The following PLK4 variants were observed in gnomAD, a reference collection of about 807,000 sequenced individuals.
PLK4 encodes the protein serine/threonine-protein kinase PLK4.
Under a neutral mutation model 103.0 loss-of-function variants are expected in PLK4, and 51 were observed. That is an observed-to-expected ratio of 0.50 (90% CI 0.40 to 0.63). The LOEUF (loss-of-function observed/expected upper bound fraction) is 0.63. PLK4 is among the 20% of genes least tolerant of loss of function. PLK4 has a pLI of 0.00. For missense variants in PLK4, 1,054 were observed against 1,151.0 expected (o/e 0.92, Z 1.22); for synonymous variants, 389 against 376.8 (o/e 1.03, Z -0.38).
intron 11 of PLK4, 40 bp from the exon 12 acceptor site, chr4:127,893,473 T>C: frequency 1.2e-6 from 2 of 1,600,398 alleles, no homozygotes; most frequent in East Asian, 2.2e-5. Context: ...GCAAATGACA[T>C]AGGTGAAACA....
chr4:127,898,348 T>G (rs1735654626), intron 15 of PLK4, 91 bp from the exon 16 acceptor site: 1 of 663,024 alleles, frequency 1.5e-6, no homozygotes. Context: ...TATTGAAGAA[T>G]TACTGAAAAA....
chr4:127,898,406 C>A (rs773786655), intron 15 of PLK4, 33 bp from the exon 16 acceptor site: 41 of 990,944 alleles, frequency 4.1e-5, no homozygotes, highest in Non-Finnish European at 6.2e-5. Context: ...AATTCAGTTA[C>A]GATTTTGTCT....
At position 127,883,566 on chromosome 4, in the gene PLK4, T is replaced by G. The variant is rs1448323771; in HGVS notation, c.337+13T>G. ...TCAGAAAATGAAGGTAGGTGTGTGG[T>G]TTTTTTTGTTTGTTTTGTTTGGGTG... On this transcript the variant is annotated intron_variant, in intron 4 of 15. Transcript: ENST00000270861. 8.4e-7 allele frequency: 1 copy of G among 1,184,674 alleles called. No homozygotes were observed. The highest frequency in any genetic ancestry group is 1.3e-5 in the South Asian group (1 of 75,742). The allele number at this position is 1,184,674 out of a possible 1,614,324, so 73.4% of individuals were successfully genotyped here. A position where few individuals can be genotyped will look rare whatever the true frequency, so the allele number is the denominator to read the frequency against.
chr4:127,887,823 T>C lies in PLK4; in HGVS notation c.1459+327T>C, dbSNP rs1184873457. ...TCAGGAGTTCAAGGCCGCAGTGAGC[T>C]ATGATCACACTGCACTCCAGCCTGT... is the stretch of plus-strand genomic sequence containing the variant. On this transcript the variant is annotated intron_variant, in intron 6 of 15. Transcript: ENST00000270861. Among the ~76,000 whole-genome samples, 7 of 142,592 alleles carry C rather than the reference T, an allele frequency of 4.9e-5. No individual in the cohort carries two copies. The East Asian group carries it at 1.4e-3, about 29-fold the overall frequency. The allele number at this position is 142,592 out of a possible 152,430, so 93.5% of individuals were successfully genotyped here.
chr4:127,884,994 C>T (rs184436592), intron 4 of PLK4, among the ~76,000 whole-genome samples: 3 of 151,890 alleles, frequency 2.0e-5, no homozygotes, highest in Admixed American at 6.6e-5. Context: ...ATCGTTGGAA[C>T]TTTAGCTTTT....
At chr4:127,894,811 T>A (rs1735500667) in intron 13 of PLK4, 142 bp from the exon 14 acceptor site, 2 of 538,738 alleles carry the variant, frequency 3.7e-6, no homozygotes, top group African/African-American at 2.0e-5. Flanking sequence ...TAATTTCCAA[T>A]AATGTGGTTA....
intron 8 of PLK4, 134 bp from the exon 9 acceptor site, chr4:127,891,439 ATTACTT>A: frequency 2.2e-6 from 1 of 453,438 alleles, no homozygotes; most frequent in Non-Finnish European, 3.9e-6. Context: ...AAGCAAAAAA[ATTACTT>A]TTACAGAATA....
At chr4:127,887,284 TA>T in intron 5 of PLK4, 111 bp from the exon 6 acceptor site, 1 of 642,394 alleles carries the variant, frequency 1.6e-6, no homozygotes, top group African/African-American at 1.8e-5. Context: ...ATAGTTATTC[TA>T]AAATGTTCAG....
Position 127,886,626 on chromosome 4 carries a change from G to C in PLK4, c.1256G>C (p.Arg419Thr). 6.2e-7 allele frequency: 1 copy of C among 1,613,204 alleles called. No individual in the cohort carries two copies. The change falls in exon 5 of 16, where the codon AGG becomes ACG. Residue 419 changes from arginine (R) to threonine (T), a missense_variant. By Grantham distance (71) the Arg-to-Thr change is moderately conservative (BLOSUM62 -1). Around this residue, in one of 4 missense-constraint regions of PLK4, gnomAD observed 680 missense variants for 660.3 expected, o/e 1.03. Coordinates refer to ENST00000270861, the MANE Select transcript of PLK4 (RefSeq NM_014264.5). Reference protein sequence around the residue: ...KRSGGGENEERYSPTDNNANI... With the variant: ...KRSGGGENEETYSPTDNNANI... ...TCAGGAGGAGGTGAAAATGAAGAGA[G>C]GTACTCACCCACAGACAACAATGCC... is the stretch of plus-strand genomic sequence containing the variant.
chr4:127,896,953 T>A lies in PLK4; in HGVS notation c.2810+46T>A, dbSNP rs769125973. On this transcript the variant is annotated intron_variant, in intron 15 of 15. Coordinates refer to ENST00000270861, the MANE Select transcript of PLK4 (RefSeq NM_014264.5). Reference sequence around the variant, plus strand: ...TCGAGATTCAGCCCTTTGCTATAATTTCTCTTTCTCTATATGTTGAAATGG... The same window carrying A: ...TCGAGATTCAGCCCTTTGCTATAATATCTCTTTCTCTATATGTTGAAATGG... 8 of 946,518 alleles carry A rather than the reference T, an allele frequency of 8.5e-6. No homozygotes were observed. The South Asian group carries it at 9.7e-5, about 11-fold the overall frequency. The allele number at this position is 946,518 out of a possible 1,614,324, so 58.6% of individuals were successfully genotyped here. A position where few individuals can be genotyped will look rare whatever the true frequency, so the allele number is the denominator to read the frequency against.
intron 4 of PLK4, among the ~76,000 whole-genome samples, chr4:127,884,668 G>A (rs940690731): frequency 6.6e-6 from 1 of 152,196 alleles, no homozygotes; most frequent in African/African-American, 2.4e-5. Context: ...GCCGGGCACG[G>A]TGGCTCATGC....
At chr4:127,892,221 A>G in intron 9 of PLK4, 144 bp from the exon 10 acceptor site, 1 of 558,786 alleles carries the variant, frequency 1.8e-6, no homozygotes, top group Non-Finnish European at 3.1e-6. Context: ...TAAGTACTGA[A>G]TAGTAAGCCT....
In PLK4 at chr4:127,891,668, T is replaced by C. The variant is rs1735365028; in HGVS notation, c.2025T>C (p.Phe675=). ...CTGACAACATCAGTAGGTACAGCTT[T>C]GACAATTTACCAGGTATGTGAATTT... The part of the protein sequence containing the change: ...SPTDNISRYS[F]DNLPEKYWRK... Residue 675 remains phenylalanine (F), a synonymous_variant, in exon 9 of 16, where the codon TTT becomes TTC. Coordinates refer to ENST00000270861, the MANE Select transcript of PLK4 (RefSeq NM_014264.5). 3.5e-6 allele frequency: 5 copies of C among 1,444,090 alleles called. No individual in the cohort carries two copies. The highest frequency in any genetic ancestry group is 4.7e-6 in the Non-Finnish European group (5 of 1,071,270). 89.5% of individuals were successfully genotyped at this position (1,444,090 alleles called of 1,614,324 possible).
At position 127,891,122 on chromosome 4, in the gene PLK4, G is replaced by T; in HGVS notation, c.1861G>T (p.Val621Leu). 1 of 1,589,738 alleles carries T rather than the reference G, an allele frequency of 6.3e-7. No homozygotes were observed. Among genetic ancestry groups the T allele is most frequent in the African/African-American group, 1.4e-5 (1 of 73,986 alleles). Residue 621 changes from valine to leucine, a missense_variant, in exon 8 of 16, where the codon GTG (valine) becomes TTG (leucine). This residue lies in a region of PLK4 where 680 missense variants were observed against 660.3 expected (regional missense o/e 1.03). Transcript: ENST00000270861. ...VSILDSEEVC[V>L]ELVKEYASQE... ...CATACTTGATTCAGAGGAGGTGTGT[G>T]TGGAGCTTGTAAAGGAGTATGCATC...
intron 4 of PLK4, among the ~76,000 whole-genome samples, chr4:127,885,229 C>T (rs1414437346): frequency 6.6e-6 from 1 of 151,900 alleles, no homozygotes; most frequent in Non-Finnish European, 1.5e-5. Context: ...CCTGAAATCC[C>T]AGCCCTTTAG....
At chr4:127,895,623 A>G (rs921920822) in intron 14 of PLK4, among the ~76,000 whole-genome samples, 6 of 151,768 alleles carry the variant, frequency 4.0e-5, no homozygotes, top group African/African-American at 1.5e-4. Context: ...GGGTTTCACC[A>G]TGTTAGCCAG....
In PLK4 at chr4:127,892,443, T is replaced by C; in HGVS notation, c.2117T>C (p.Phe706Ser). 1 of 1,592,068 alleles carries C rather than the reference T, an allele frequency of 6.3e-7. No individual in the cohort carries two copies. The highest frequency in any genetic ancestry group is 8.5e-7 in the Non-Finnish European group (1 of 1,171,502). The part of the protein sequence containing the change: ...VRSKSPKITY[F>S]TRYAKCILME... ...TCTAAATCTCCCAAAATCACTTATT[T>C]TACAAGATATGCTAAATGCATTTTG... Residue 706 changes from phenylalanine to serine, a missense_variant, in exon 10 of 16, where the codon TTT becomes TCT. Coordinates refer to ENST00000270861, the MANE Select transcript of PLK4 (RefSeq NM_014264.5).
intron 4 of PLK4, 30 bp from the exon 5 acceptor site, chr4:127,885,678 T>G: frequency 6.5e-7 from 1 of 1,540,888 alleles, no homozygotes; most frequent in Non-Finnish European, 8.8e-7. Flanking sequence ...GTTTCTAAAT[T>G]GTAAATTCTC....
chr4:127,881,781 T>G (rs1197820484), intron 1 of PLK4, 50 bp from the exon 2 acceptor site: 3 of 1,093,580 alleles, frequency 2.7e-6, no homozygotes, highest in Non-Finnish European at 4.2e-6. Context: ...CTTCCCATCT[T>G]CCTTTCTACT....
Sources: allele counts gnomAD v4.1 joint callset (sites outside exome capture counted in the v4.1 genomes callset), GRCh38; gene constraint gnomAD v4.1.1; regional missense constraint gnomAD v4.1.1; transcripts MANE v1.5; gene names NCBI Gene and HGNC (gene_info 2026-07-23, HGNC 2026-07-21).